The following FOXK1 variants were observed in gnomAD, a reference collection of about 807,000 sequenced individuals.
The protein encoded by FOXK1 is forkhead box protein K1.
In FOXK1, 19 loss-of-function variants were observed where a neutral mutation model predicts 51.9. The ratio of observed to expected loss-of-function variants is 0.37; its 90% CI spans 0.26 to 0.54. FOXK1 has a LOEUF of 0.54. FOXK1 is among the 20% of genes least tolerant of loss of function. FOXK1 has a pLI of 0.87. For missense variants in FOXK1, 870 were observed against 1,032.7 expected (o/e 0.84, Z 2.16); for synonymous variants, 537 against 482.6 (o/e 1.11, Z -1.48).
chr7:4,718,578 A>C (rs1275671420), intron 1 of FOXK1, among the ~76,000 whole-genome samples: 1 of 152,178 alleles, frequency 6.6e-6, no homozygotes, highest in Non-Finnish European at 1.5e-5. Context: ...TTAGGTTTTG[A>C]GCGGACCTAG....
chr7:4,723,891 G>C lies in FOXK1; in HGVS notation c.561-16947G>C, dbSNP rs900212086. 6.6e-6 allele frequency among the ~76,000 whole-genome samples: 1 copy of C among 152,048 alleles called. No individual in the cohort carries two copies. Among genetic ancestry groups the C allele is most frequent in the Non-Finnish European group, 1.5e-5 (1 of 68,018 alleles). On this transcript the variant is annotated intron_variant, in intron 1 of 8. Coordinates refer to ENST00000328914, the MANE Select transcript of FOXK1 (RefSeq NM_001037165.2). The surrounding 1 kb of genome is among the most constrained non-coding windows in gnomAD (Gnocchi z 4.7). ...TCACTATGTTGCCCAGGCCGGTCTC[G>C]ACCTCCTAGGCTCAAGCGATCCTCC...
chr7:4,741,928 T>G (rs780436819), intron 2 of FOXK1, among the ~76,000 whole-genome samples: 26 of 152,368 alleles, frequency 1.7e-4, no homozygotes, highest in Admixed American at 1.0e-3. Context: ...GGTCCTGTCA[T>G]ACAGGGATGC....
rs991691128 is a variant in FOXK1 at position 4,747,341 on chromosome 7, C to T, written c.746+6318C>T. On this transcript the variant is annotated intron_variant, in intron 2 of 8. Transcript: ENST00000328914. This position sits in a 1 kb window ranked among gnomAD's most constrained non-coding sequence, Gnocchi z 9.2. ...GCTGACCCCGGAACCTGCCTAGCTG[C>T]GGGGCCGCCTCTCCGCTCAAGCACC... 1.2e-4 allele frequency among the ~76,000 whole-genome samples: 19 copies of T among 152,146 alleles called. No individual in the cohort carries two copies. The highest frequency in any genetic ancestry group is 2.7e-4 in the African/African-American group (11 of 41,416).
intron 1 of FOXK1, among the ~76,000 whole-genome samples, chr7:4,714,530 C>T (rs1780211076): frequency 6.6e-6 from 1 of 152,246 alleles, no homozygotes; most frequent in African/African-American, 2.4e-5. Flanking sequence ...CCACCTCCGC[C>T]TCCCAGAGTG....
At chr7:4,744,312 G>T (rs1374131756) in intron 2 of FOXK1, among the ~76,000 whole-genome samples, 1 of 152,078 alleles carries the variant, frequency 6.6e-6, no homozygotes, top group Non-Finnish European at 1.5e-5. Flanking sequence ...TGTGACATGG[G>T]TATATTACTG....
At position 4,743,323 on chromosome 7, in the gene FOXK1, C is replaced by T. The variant is rs1280070619; in HGVS notation, c.746+2300C>T. On this transcript the variant is annotated intron_variant, in intron 2 of 8. Coordinates refer to ENST00000328914, the MANE Select transcript of FOXK1 (RefSeq NM_001037165.2). This position sits in a 1 kb window ranked among gnomAD's most constrained non-coding sequence, Gnocchi z 5.3. ...ATGCCAGCACTGTGGGAGGCCAAGG[C>T]GGGTGGATCACTTGAAGCCAGTTCG... Among the ~76,000 whole-genome samples the T allele has an allele frequency of 2.0e-5, 3 of 152,154 alleles. No individual in the cohort carries two copies. Among genetic ancestry groups the T allele is most frequent in the Non-Finnish European group, 4.4e-5 (3 of 68,036 alleles).
rs570297894 is a variant in FOXK1 at position 4,747,301 on chromosome 7, G to A, written c.746+6278G>A. On this transcript the variant is annotated intron_variant, in intron 2 of 8. Transcript: ENST00000328914. This position sits in a 1 kb window ranked among gnomAD's most constrained non-coding sequence, Gnocchi z 9.2. ...ATGAGCCTCAGGGGAAGCAGGAGGC[G>A]CCTGCAGACACGGAGCTGACCCCGG... Among the ~76,000 whole-genome samples the A allele has an allele frequency of 1.8e-4, 27 of 152,202 alleles. No individual in the cohort carries two copies. Among genetic ancestry groups the A allele is most frequent in the African/African-American group, 1.7e-4 (7 of 41,542 alleles).
rs370145399 is a variant in FOXK1 at position 4,761,253 on chromosome 7, C to T, written c.1886C>T (p.Ala629Val). ...GCCGTGACCCAGAACGGAAAGCATG[C>T]GGTTCCCACGAACAGTTTAGCCGGC... ...VRAVTQNGKH[A>V]VPTNSLAGNA... The change falls in exon 8 of 9, where the codon GCG (alanine) becomes GTG (valine). Residue 629 changes from alanine to valine, a missense_variant. Physicochemically the swap from Ala to Val is moderately conservative, Grantham distance 64. Transcript: ENST00000328914. This position sits in a 1 kb window ranked among gnomAD's most constrained non-coding sequence, Gnocchi z 6.2. 4.8e-5 allele frequency: 78 copies of T among 1,612,838 alleles called. No individual in the cohort carries two copies. The highest frequency in any genetic ancestry group is 6.4e-5 in the Non-Finnish European group (75 of 1,180,022).
chr7:4,771,259 C>T lies in FOXK1; in HGVS notation c.*8795C>T, dbSNP rs1034696761. The T allele has an allele frequency of 2.0e-5, 3 of 152,556 alleles. No individual in the cohort carries two copies. The highest frequency in any genetic ancestry group is 2.1e-4 in the South Asian group (1 of 4,834). 9.5% of individuals were successfully genotyped at this position (152,556 alleles called of 1,614,324 possible). On this transcript the variant is annotated 3_prime_UTR_variant, in exon 9 of 9. Transcript: ENST00000328914. ...AGAGTTTGAGATCTGAATGTGATTT[C>T]TAATTGTATCAGACGTTAATGTTTT...
chr7:4,724,336 C>G (rs921596527), intron 1 of FOXK1, among the ~76,000 whole-genome samples: 1 of 152,228 alleles, frequency 6.6e-6, no homozygotes, highest in Admixed American at 6.5e-5. Context: ...GCTGGGATTA[C>G]AGGCACCCAC....
In FOXK1 at chr7:4,764,973, G is replaced by C. The variant is rs909831520; in HGVS notation, c.*2509G>C. 6.6e-6 allele frequency: 1 copy of C among 152,584 alleles called. No homozygotes were observed. Among genetic ancestry groups the C allele is most frequent in the East Asian group, 1.9e-4 (1 of 5,178 alleles). The allele number at this position is 152,584 out of a possible 1,614,324, so 9.5% of individuals were successfully genotyped here. Reference sequence around the variant, plus strand: ...GCTTCATTGCCAAGGGCGTGGAAAGGGGGTGGTGGATGGAGCCGGGAGGTG... The same window carrying C: ...GCTTCATTGCCAAGGGCGTGGAAAGCGGGTGGTGGATGGAGCCGGGAGGTG... On this transcript the variant is annotated 3_prime_UTR_variant, in exon 9 of 9. Coordinates refer to ENST00000328914, the MANE Select transcript of FOXK1 (RefSeq NM_001037165.2).
rs887853947 is a variant in FOXK1 at position 4,733,974 on chromosome 7, G to A, written c.561-6864G>A. Among the ~76,000 whole-genome samples, 12 of 152,314 alleles carry A rather than the reference G, an allele frequency of 7.9e-5. No homozygotes were observed. Among genetic ancestry groups the A allele is most frequent in the African/African-American group, 2.9e-4 (12 of 41,580 alleles). ...AGAGCTCATCTGGGTGGCAGGTGCTGGCCACGTGGAGTCTGCCCTCCACGT... is the reference window on the plus strand; with the variant it reads ...AGAGCTCATCTGGGTGGCAGGTGCTAGCCACGTGGAGTCTGCCCTCCACGT... On this transcript the variant is annotated intron_variant, in intron 1 of 8. Coordinates refer to ENST00000328914, the MANE Select transcript of FOXK1 (RefSeq NM_001037165.2). This position sits in a 1 kb window ranked among gnomAD's most constrained non-coding sequence, Gnocchi z 5.0.
chr7:4,756,916 A>G lies in FOXK1; in HGVS notation c.1051-78A>G, dbSNP rs1400375757. On this transcript the variant is annotated intron_variant, in intron 4 of 8. Transcript: ENST00000328914. The surrounding 1 kb of genome is among the most constrained non-coding windows in gnomAD (Gnocchi z 4.1). The stretch of plus-strand genomic sequence containing the variant: ...CGGCCTCCCCTCACCCTGGTCCCGC[A>G]TCTGCTGCAGATTTGAGGTGGGTGG... The G allele has an allele frequency of 6.7e-6, 10 of 1,501,906 alleles. No homozygotes were observed. Among genetic ancestry groups the G allele is most frequent in the African/African-American group, 5.5e-5 (4 of 72,864 alleles). The allele number at this position is 1,501,906 out of a possible 1,614,324, so 93.0% of individuals were successfully genotyped here. A position where few individuals can be genotyped will look rare whatever the true frequency, so the allele number is the denominator to read the frequency against.
intron 2 of FOXK1, among the ~76,000 whole-genome samples, chr7:4,746,994 T>C (rs1378662286): frequency 6.6e-6 from 1 of 152,254 alleles, no homozygotes; most frequent in East Asian, 1.9e-4. Flanking sequence ...GTTGGGACTT[T>C]CTGTCTTCCT....
intron 1 of FOXK1, among the ~76,000 whole-genome samples, chr7:4,717,720 C>A (rs1426798102): frequency 6.6e-6 from 1 of 152,202 alleles, no homozygotes; most frequent in Non-Finnish European, 1.5e-5. Flanking sequence ...CTGAGCATTG[C>A]AGCTTCATCT....
At chr7:4,690,062 G>T (rs1317084530) in intron 1 of FOXK1, among the ~76,000 whole-genome samples, 2 of 152,232 alleles carry the variant, frequency 1.3e-5, no homozygotes, top group African/African-American at 2.4e-5. Flanking sequence ...GAAGGGAAGA[G>T]CTGTGATTAG....
Position 4,740,885 on chromosome 7 carries a change from C to T in FOXK1, c.608C>T (p.Ser203Leu), listed in dbSNP as rs1162001404. Residue 203 changes from serine (S) to leucine (L), a missense_variant, in exon 2 of 9, where the codon TCG becomes TTG. By Grantham distance (145) the Ser-to-Leu change is moderately radical (BLOSUM62 -2). Transcript: ENST00000328914. ...ACGGCCATCAAGATCCAGTTCACGT[C>T]GCTCTATCACAAAGAAGAGGCCCCA... ...PSTAIKIQFTSLYHKEEAPAS... is the reference protein window; with the variant it reads ...PSTAIKIQFTLLYHKEEAPAS... The T allele has an allele frequency of 1.3e-6, 2 of 1,595,442 alleles. No homozygotes were observed. The highest frequency in any genetic ancestry group is 1.1e-5 in the South Asian group (1 of 88,100).
chr7:4,767,217 G>A lies in FOXK1; in HGVS notation c.*4753G>A, dbSNP rs910553211. 1 of 152,392 alleles carries A rather than the reference G, an allele frequency of 6.6e-6. No individual in the cohort carries two copies. The highest frequency in any genetic ancestry group is 6.5e-5 in the Admixed American group (1 of 15,298). The allele number at this position is 152,392 out of a possible 1,614,324, so 9.4% of individuals were successfully genotyped here. On this transcript the variant is annotated 3_prime_UTR_variant, in exon 9 of 9. Coordinates refer to ENST00000328914, the MANE Select transcript of FOXK1 (RefSeq NM_001037165.2). This position sits in a 1 kb window ranked among gnomAD's most constrained non-coding sequence, Gnocchi z 6.6. The stretch of plus-strand genomic sequence containing the variant: ...TCTGAGAAAGCCCCCCTAAAAAAAG[G>A]CTTCAGAGTCACCGGCATGCCGCCT...
chr7:4,739,817 G>T (rs990645091), intron 1 of FOXK1, among the ~76,000 whole-genome samples: 3 of 152,226 alleles, frequency 2.0e-5, no homozygotes, highest in African/African-American at 7.2e-5. Context: ...CTGCATAGGT[G>T]GTTGCCGTGC....
Sources: gnomAD v4.1 joint callset for allele counts (sites outside exome capture counted in the v4.1 genomes callset) on GRCh38, gnomAD v4.1.1 for gene constraint, Gnocchi (gnomAD v3.1) non-coding constraint, MANE v1.5 for transcripts, NCBI Gene and HGNC (gene_info 2026-07-23, HGNC 2026-07-21) for gene names.